MEGF8: variants seen among roughly 807,000 people sequenced by gnomAD.
MEGF8 encodes the protein multiple EGF like domains 8, also known as multiple epidermal growth factor-like domains protein 8.
A neutral mutation model predicts 302.9 loss-of-function variants in MEGF8; 156 were observed. The observed-to-expected ratio is 0.52, with a 90% CI of 0.45 to 0.59. The LOEUF is 0.59. MEGF8 is among the 20% of genes least tolerant of loss of function. MEGF8 has a pLI of 0.00. For synonymous variants in MEGF8, 1,621 were observed against 1,660.5 expected (o/e 0.98, Z 0.58); for missense variants, 3,345 against 3,964.5 (o/e 0.84, Z 4.20).
At chr19:42,348,789 A>G (rs2039326929) in intron 13 of MEGF8, among the ~76,000 whole-genome samples, 1 of 152,188 alleles carries the variant, frequency 6.6e-6, no homozygotes, top group Admixed American at 6.5e-5. Context: ...TTAAGTAAAG[A>G]TGGGTTTTCA....
At chr19:42,374,422 T>C (rs1249694705) in intron 41 of MEGF8, among the ~76,000 whole-genome samples, 1 of 142,018 alleles carries the variant, frequency 7.0e-6, no homozygotes, top group Non-Finnish European at 1.5e-5. Context: ...AGTGAGCCGA[T>C]ATCACACCAC....
intron 1 of MEGF8, among the ~76,000 whole-genome samples, chr19:42,328,762 C>A (rs944212909): frequency 5.3e-5 from 8 of 151,924 alleles, no homozygotes; most frequent in Non-Finnish European, 1.2e-4. Flanking sequence ...ATGAAGAAAC[C>A]CCCTCTCTAC....
chr19:42,356,995 C>T lies in MEGF8; in HGVS notation c.4830+14C>T. Reference sequence around the variant, plus strand: ...CGGCAGGAGAAGGTGAGCATCTCTCCCCAGCCCACTCCCCAGCCCTCACAC... The same window carrying T: ...CGGCAGGAGAAGGTGAGCATCTCTCTCCAGCCCACTCCCCAGCCCTCACAC... On this transcript the variant is annotated intron_variant, in intron 27 of 41. Transcript: ENST00000251268. The surrounding 1 kb of genome is among the most constrained non-coding windows in gnomAD (Gnocchi z 5.2). 6.4e-7 allele frequency: 1 copy of T among 1,570,346 alleles called. No individual in the cohort carries two copies.
intron 32 of MEGF8, among the ~76,000 whole-genome samples, chr19:42,361,870 A>C (rs1293143248): frequency 6.6e-6 from 1 of 152,118 alleles, no homozygotes; most frequent in East Asian, 1.9e-4. Flanking sequence ...CGGTGGCTGC[A>C]TGGGCAGGAG....
chr19:42,329,453 T>C (rs992357387), intron 1 of MEGF8, among the ~76,000 whole-genome samples: 2 of 152,104 alleles, frequency 1.3e-5, no homozygotes, highest in Non-Finnish European at 2.9e-5. Context: ...TGGGTAGATG[T>C]TGGGGTGAGG....
chr19:42,332,958 A>C (rs1198022433), intron 1 of MEGF8, among the ~76,000 whole-genome samples: 8 of 152,224 alleles, frequency 5.3e-5, no homozygotes, highest in Non-Finnish European at 1.2e-4. Context: ...AAGATCACAC[A>C]GCTGGTAGCT....
chr19:42,356,360 G>T lies in MEGF8; in HGVS notation c.4529G>T (p.Arg1510Leu), dbSNP rs541874206. The T allele has an allele frequency of 2.5e-6, 4 of 1,612,862 alleles. No individual in the cohort carries two copies. The highest frequency in any genetic ancestry group is 2.5e-6 in the Non-Finnish European group (3 of 1,179,566). The change falls in exon 26 of 42, where the codon CGC (arginine) becomes CTC (leucine). Residue 1510 changes from arginine to leucine, a missense_variant. Coordinates refer to ENST00000251268, the MANE Select transcript of MEGF8 (RefSeq NM_001271938.2). The surrounding 1 kb of genome is among the most constrained non-coding windows in gnomAD (Gnocchi z 5.2). ...SADTASRFLH[R>L]LGHTMVDGPD... ...GACACTGCCAGCCGCTTCCTGCACC[G>T]CCTGGGCCACACCATGGTGGATGGA...
In MEGF8 at chr19:42,352,894, T is replaced by G; in HGVS notation, c.3351-34T>G. 6.7e-7 allele frequency: 1 copy of G among 1,502,818 alleles called. No individual in the cohort carries two copies. Among genetic ancestry groups the G allele is most frequent in the Non-Finnish European group, 9.1e-7 (1 of 1,101,636 alleles). 93.1% of individuals were successfully genotyped at this position (1,502,818 alleles called of 1,614,324 possible). On this transcript the variant is annotated intron_variant, in intron 19 of 41. Coordinates refer to ENST00000251268, the MANE Select transcript of MEGF8 (RefSeq NM_001271938.2). The surrounding 1 kb of genome is among the most constrained non-coding windows in gnomAD (Gnocchi z 4.4). The stretch of plus-strand genomic sequence containing the variant: ...GTGCTTTAGGGGCTCTGGGCCTGCC[T>G]GGCGCTTTCCCCACCCCCAACACGG...
In MEGF8 at chr19:42,368,604, G is replaced by T. The variant is rs1163613191; in HGVS notation, c.6423G>T (p.Trp2141Cys). ...LRRPHCGWCA[W>C]GGQDGGGRCM... ...GCCCCCATTGCGGCTGGTGTGCCTGGGGGGGCCAGGATGGGGGTGGCCGCT... is the reference window on the plus strand; with the variant it reads ...GCCCCCATTGCGGCTGGTGTGCCTGTGGGGGCCAGGATGGGGGTGGCCGCT... Residue 2141 changes from tryptophan (W) to cysteine (C), a missense_variant, in exon 36 of 42, where the codon TGG becomes TGT. By Grantham distance (215) the Trp-to-Cys change is radical. Coordinates refer to ENST00000251268, the MANE Select transcript of MEGF8 (RefSeq NM_001271938.2). The surrounding 1 kb of genome is among the most constrained non-coding windows in gnomAD (Gnocchi z 4.9). The T allele has an allele frequency of 4.5e-6, 7 of 1,572,398 alleles. No homozygotes were observed. In the African/African-American group the frequency reaches 9.5e-5, roughly 21 times the overall value.
At chr19:42,334,303 C>A in intron 3 of MEGF8, 90 bp downstream of exon 3, 1 of 1,229,654 alleles carries the variant, frequency 8.1e-7, no homozygotes, top group Non-Finnish European at 1.1e-6. Flanking sequence ...CTTGCTCCTG[C>A]ATGAAACTCC....
rs1245542429 is a variant in MEGF8 at position 42,334,918 on chromosome 19, C to G, written c.559-117C>G. ...TCTCCCTTCCTGTCTGTCTCTTTCT[C>G]TCTCCCTTTGTGCCCTGTCTGTCTC... On this transcript the variant is annotated intron_variant, in intron 3 of 41. Transcript: ENST00000251268. 6 of 986,138 alleles carry G rather than the reference C, an allele frequency of 6.1e-6. No individual in the cohort carries two copies. The African/African-American group carries it at 9.9e-5, about 16-fold the overall frequency. 61.1% of individuals were successfully genotyped at this position (986,138 alleles called of 1,614,324 possible).
intron 41 of MEGF8, among the ~76,000 whole-genome samples, chr19:42,371,766 C>T (rs2039694335): frequency 6.6e-6 from 1 of 152,100 alleles, no homozygotes; most frequent in Non-Finnish European, 1.5e-5. Flanking sequence ...GCCAGAAAAT[C>T]TATCCCATGG....
rs1395820372 is a variant in MEGF8, at chr19:42,333,652, A to C, written c.235A>C (p.Thr79Pro). ...RILLDFLFLD[T>P]ECTYDYLFVY... The stretch of plus-strand genomic sequence containing the variant: ...CCTGCTGGACTTCCTTTTCCTGGAC[A>C]CAGAGTGCACGTATGACTACCTGTT... Residue 79 changes from threonine to proline, a missense_variant, in exon 2 of 42, where the codon ACA becomes CCA. Coordinates refer to ENST00000251268, the MANE Select transcript of MEGF8 (RefSeq NM_001271938.2). The C allele has an allele frequency of 6.2e-7, 1 of 1,613,952 alleles. No homozygotes were observed. Among genetic ancestry groups the C allele is most frequent in the Non-Finnish European group, 8.5e-7 (1 of 1,179,892 alleles).
chr19:42,360,561 T>A (rs1226629229), intron 31 of MEGF8, among the ~76,000 whole-genome samples: 1 of 152,080 alleles, frequency 6.6e-6, no homozygotes, highest in East Asian at 1.9e-4. Flanking sequence ...CCCAGGCTGG[T>A]CTTAAACTCC....
intron 1 of MEGF8, 110 bp from the exon 2 acceptor site, chr19:42,333,495 G>C (rs927145538): frequency 1.6e-6 from 2 of 1,235,994 alleles, no homozygotes; most frequent in African/African-American, 3.0e-5. Flanking sequence ...TCATTCTTGA[G>C]CCCCCAGCAT....
chr19:42,356,142 G>T lies in MEGF8; in HGVS notation c.4452G>T (p.Leu1484=). The T allele has an allele frequency of 6.3e-7, 1 of 1,575,568 alleles. No homozygotes were observed. Among genetic ancestry groups the T allele is most frequent in the East Asian group, 2.3e-5 (1 of 43,528 alleles). The change falls in exon 25 of 42, where the codon CTG becomes CTT. Residue 1484 remains leucine (L), a synonymous_variant. Coordinates refer to ENST00000251268, the MANE Select transcript of MEGF8 (RefSeq NM_001271938.2). This position sits in a 1 kb window ranked among gnomAD's most constrained non-coding sequence, Gnocchi z 5.2. ...GGGGCCCCGACTGCGCCACCAAGCT[G>T]GATGGCGGGCAGCTGGTCTGGGAGA... is the stretch of plus-strand genomic sequence containing the variant. ...GFGGPDCATK[L]DGGQLVWETL...
In MEGF8 at chr19:42,334,181, G is replaced by A. The variant is rs1311477465; in HGVS notation, c.526G>A (p.Ala176Thr). Residue 176 changes from alanine (A) to threonine (T), a missense_variant, in exon 3 of 42, where the codon GCC (alanine) becomes ACC (threonine). By Grantham distance (58) the Ala-to-Thr change is moderately conservative (BLOSUM62 0). Transcript: ENST00000251268. The part of the protein sequence containing the change: ...GPDCGLQECS[A>T]YCGSHGTCAS... ...TGACTGTGGCCTGCAGGAGTGCTCA[G>A]CCTACTGTGGCAGCCACGGCACCTG... 2 of 1,605,878 alleles carry A rather than the reference G, an allele frequency of 1.2e-6. No homozygotes were observed. The highest frequency in any genetic ancestry group is 2.2e-5 in the East Asian group (1 of 44,678).
At position 42,368,679 on chromosome 19, in the gene MEGF8, C is replaced by G; in HGVS notation, c.6481+17C>G. 6.5e-7 allele frequency: 1 copy of G among 1,533,422 alleles called. No individual in the cohort carries two copies. The highest frequency in any genetic ancestry group is 1.2e-5 in the South Asian group (1 of 80,264). The allele number at this position is 1,533,422 out of a possible 1,614,324, so 95.0% of individuals were successfully genotyped here. The stretch of plus-strand genomic sequence containing the variant: ...CCCGTGATGGTGAGAGGGCTTTGGG[C>G]ACTGGGGGAGAGGGGCTGGCCCTTG... On this transcript the variant is annotated intron_variant, in intron 36 of 41. Coordinates refer to ENST00000251268, the MANE Select transcript of MEGF8 (RefSeq NM_001271938.2). This position sits in a 1 kb window ranked among gnomAD's most constrained non-coding sequence, Gnocchi z 4.9.
At chr19:42,359,331 C>T in intron 31 of MEGF8, 89 bp downstream of exon 31, 1 of 1,296,038 alleles carries the variant, frequency 7.7e-7, no homozygotes. Context: ...TTAGGAGTCA[C>T]TGGGCCCCTG....
Sources: gnomAD v4.1 joint callset for allele counts (sites outside exome capture counted in the v4.1 genomes callset) on GRCh38, gnomAD v4.1.1 for gene constraint, Gnocchi (gnomAD v3.1) non-coding constraint, MANE v1.5 for transcripts, NCBI Gene and HGNC (gene_info 2026-07-23, HGNC 2026-07-21) for gene names.